Variants in TGFA observed in about 807,000 individuals in gnomAD.
TGFA encodes protransforming growth factor alpha.
A neutral mutation model predicts 21.7 loss-of-function variants in TGFA; 12 were observed. The ratio of observed to expected loss-of-function variants is 0.55; its 90% confidence interval spans 0.35 to 0.90. TGFA has a LOEUF of 0.90. TGFA is among the 40% of genes least tolerant of loss of function. The pLI, the probability that TGFA is intolerant of heterozygous loss-of-function variation, is 0.01. For missense variants in TGFA, 178 were observed against 210.8 expected (o/e 0.84, Z 0.96); for synonymous variants, 79 against 88.1 (o/e 0.90, Z 0.58).
intron 1 of TGFA, among the ~76,000 whole-genome samples, chr2:70,525,522 CACTT>C (rs1553502865): frequency 6.6e-6 from 1 of 152,204 alleles, no homozygotes; most frequent in African/African-American, 2.4e-5. Context: ...GGGGTAAATA[CACTT>C]ACTTCTTGCA....
intron 2 of TGFA, among the ~76,000 whole-genome samples, chr2:70,483,055 C>G (rs552135099): frequency 6.6e-6 from 1 of 152,354 alleles, no homozygotes; most frequent in African/African-American, 2.4e-5. Context: ...AACTAGCCAA[C>G]TGTGAACTCT....
intron 1 of TGFA, among the ~76,000 whole-genome samples, chr2:70,548,658 C>T (rs180804838): frequency 2.0e-5 from 3 of 152,332 alleles, no homozygotes; most frequent in East Asian, 3.9e-4. Context: ...AATTTGCTTC[C>T]TCTGACTTAG....
At chr2:70,470,336 A>G (rs1670701251) in intron 2 of TGFA, among the ~76,000 whole-genome samples, 1 of 152,218 alleles carries the variant, frequency 6.6e-6, no homozygotes, top group African/African-American at 2.4e-5. Context: ...CGCACATGCC[A>G]AAGCTGAGGG....
intron 1 of TGFA, among the ~76,000 whole-genome samples, chr2:70,524,394 G>C (rs1672569376): frequency 6.6e-6 from 1 of 152,236 alleles, no homozygotes; most frequent in Non-Finnish European, 1.5e-5. Flanking sequence ...TAGACCAGGG[G>C]CTGGGTACTG....
chr2:70,462,539 C>T lies in TGFA; in HGVS notation c.215+3077G>A, dbSNP rs183585155. ...AAGGGCTGGAGAGCGCGAGCCCTAT[C>T]TGGGGCGGCACACCTGAGTGAGTCC... On this transcript the variant is annotated intron_variant, in intron 3 of 5. Coordinates refer to ENST00000295400, the MANE Select transcript of TGFA (RefSeq NM_003236.4). Among the ~76,000 whole-genome samples, 24 of 152,316 alleles carry T rather than the reference C, an allele frequency of 1.6e-4. 1 individual carries two copies. The East Asian group carries it at 4.4e-3, about 28-fold the overall frequency.
At position 70,449,004 on chromosome 2, in the gene TGFA, C is replaced by T. The variant is rs1011143972; in HGVS notation, c.*1855G>A. 1 of 152,206 alleles carries T rather than the reference C, an allele frequency of 6.6e-6. No homozygotes were observed. The allele number at this position is 152,206 out of a possible 1,614,324, so 9.4% of individuals were successfully genotyped here. A position where few individuals can be genotyped will look rare whatever the true frequency, so the allele number is the denominator to read the frequency against. On this transcript the variant is annotated 3_prime_UTR_variant, in exon 6 of 6. Transcript: ENST00000295400. ...TAAGCAGGATGCTACAGTCAAGCCT[C>T]AACCCACATATCTGGCCCAAGGGAT...
intron 1 of TGFA, among the ~76,000 whole-genome samples, chr2:70,552,343 ACTAC>A (rs1338350061): frequency 1.3e-5 from 2 of 152,208 alleles, no homozygotes; most frequent in African/African-American, 2.4e-5. Flanking sequence ...TATTACTACT[ACTAC>A]TTACTACTAT....
At chr2:70,519,671 A>G (rs528433507) in intron 1 of TGFA, among the ~76,000 whole-genome samples, 1 of 152,356 alleles carries the variant, frequency 6.6e-6, no homozygotes, top group East Asian at 1.9e-4. Context: ...AACTAGAAAA[A>G]TCTCGGGAAA....
intron 2 of TGFA, among the ~76,000 whole-genome samples, chr2:70,502,562 C>G (rs1249348813): frequency 6.6e-6 from 1 of 152,196 alleles, no homozygotes; most frequent in Non-Finnish European, 1.5e-5. Flanking sequence ...CTCGAGTGAT[C>G]TGCTACCTTG....
intron 2 of TGFA, among the ~76,000 whole-genome samples, chr2:70,498,686 A>G (rs1263508436): frequency 6.6e-6 from 1 of 151,966 alleles, no homozygotes; most frequent in Non-Finnish European, 1.5e-5. Flanking sequence ...ATCATGTCAT[A>G]CATATATGAC....
Position 70,456,462 on chromosome 2 carries a change from C to T in TGFA, c.242G>A (p.Arg81His), listed in dbSNP as rs1553490570. ...CVCHSGYVGA[R>H]CEHADLLAVV... ...GGCCAGGAGGTCCGCATGCTCACAG[C>T]GTGCACCAACGTACCCAGAATGGCA... The change falls in exon 4 of 6, where the codon CGC becomes CAC. Residue 81 changes from arginine to histidine, a missense_variant. Physicochemically the swap from Arg to His is conservative, Grantham distance 29. Coordinates refer to ENST00000295400, the MANE Select transcript of TGFA (RefSeq NM_003236.4). 3.7e-6 allele frequency: 6 copies of T among 1,607,858 alleles called. No individual in the cohort carries two copies. Among genetic ancestry groups the T allele is most frequent in the East Asian group, 2.2e-5 (1 of 44,492 alleles).
chr2:70,542,755 T>G (rs1347795108), intron 1 of TGFA, among the ~76,000 whole-genome samples: 1 of 152,236 alleles, frequency 6.6e-6, no homozygotes, highest in Non-Finnish European at 1.5e-5. Context: ...CTGTGGTATA[T>G]GCACGTATGC....
intron 2 of TGFA, among the ~76,000 whole-genome samples, chr2:70,477,285 T>C (rs1295487649): frequency 6.6e-6 from 1 of 152,218 alleles, no homozygotes; most frequent in Non-Finnish European, 1.5e-5. Flanking sequence ...AGAAGAAAGA[T>C]GTTTGGTAAG....
intron 3 of TGFA, among the ~76,000 whole-genome samples, chr2:70,462,908 G>C (rs868927736): frequency 1.8e-4 from 27 of 152,298 alleles, no homozygotes; most frequent in African/African-American, 6.3e-4. Flanking sequence ...AACTTGTTAA[G>C]AGTTTGTGGT....
At chr2:70,541,838 A>G (rs1203595498) in intron 1 of TGFA, among the ~76,000 whole-genome samples, 1 of 152,178 alleles carries the variant, frequency 6.6e-6, no homozygotes. Context: ...TCAGGGACCT[A>G]TGATTCATCC....
intron 1 of TGFA, among the ~76,000 whole-genome samples, chr2:70,551,098 A>C (rs12624266): frequency 0.5 from 75,532 of 151,962 alleles, 18,967 homozygotes; most frequent in East Asian, 0.6. Context: ...TAAGATTAAG[A>C]TCTTACTACA....
intron 1 of TGFA, chr2:70,553,058 T>C: frequency 1.0e-6 from 1 of 995,332 alleles, no homozygotes; most frequent in South Asian, 1.6e-5. Context: ...TCCAAGGACA[T>C]ACTCAAAGGA....
At chr2:70,481,064 C>G (rs17005672) in intron 2 of TGFA, among the ~76,000 whole-genome samples, 8,998 of 152,216 alleles carry the variant, frequency 0.059, 328 homozygotes, top group Middle Eastern at 0.12. Context: ...GGTTCAGAAG[C>G]AAAGACCTCA....
At chr2:70,477,685 T>G (rs1670980652) in intron 2 of TGFA, among the ~76,000 whole-genome samples, 1 of 152,122 alleles carries the variant, frequency 6.6e-6, no homozygotes, top group African/African-American at 2.4e-5. Flanking sequence ...TGACCTCCCT[T>G]TGTCTTTTCC....
Sources: allele counts gnomAD v4.1 joint callset (sites outside exome capture counted in the v4.1 genomes callset), GRCh38; gene constraint gnomAD v4.1.1; transcripts MANE v1.5; gene names NCBI Gene and HGNC (gene_info 2026-07-23, HGNC 2026-07-21).